KLHDC2: variants seen among roughly 807,000 people sequenced by gnomAD.
The protein encoded by KLHDC2 is kelch domain-containing protein 2.
KLHDC2 carries 38 observed loss-of-function variants against 62.3 expected under a neutral mutation model. The ratio of observed to expected loss-of-function variants is 0.61; its 90% CI spans 0.47 to 0.80. KLHDC2 has a LOEUF of 0.80. KLHDC2 is among the 30% of genes least tolerant of loss of function. The pLI is 0.00. For synonymous variants in KLHDC2, 159 were observed against 161.0 expected, an observed-to-expected ratio of 0.99 and a Z score of 0.09; for missense variants, 430 against 495.3, an observed-to-expected ratio of 0.87 and a Z score of 1.25.
chr14:49,785,055 GTTTAAAATCATAATTCAAAAAAACAAA>G lies in KLHDC2; in HGVS notation c.*2109_*2135del, dbSNP rs1890101230. ...TAATCTACTGTTAAGTCACTGAACT[GTTTAAAATCATAATTCAAAAAAACAAA>G]TTTAAATACCTTTTCCCTTTTTCTG... On this transcript the variant is annotated 3_prime_UTR_variant, in exon 13 of 13. Transcript: ENST00000298307. The G allele has an allele frequency of 6.2e-7, 1 of 1,606,662 alleles. No homozygotes were observed. The highest frequency in any genetic ancestry group is 8.5e-7 in the Non-Finnish European group (1 of 1,173,740).
In KLHDC2 at chr14:49,779,569, C is replaced by T. The variant is rs201941780; in HGVS notation, c.634-26C>T. 6 of 1,589,114 alleles carry T rather than the reference C, an allele frequency of 3.8e-6. No homozygotes were observed. In the African/African-American group the frequency reaches 6.7e-5, roughly 18 times the overall value. On this transcript the variant is annotated intron_variant, in intron 6 of 12. Coordinates refer to ENST00000298307, the MANE Select transcript of KLHDC2 (RefSeq NM_014315.3). The stretch of plus-strand genomic sequence containing the variant: ...ATTTTCCCTGTTTATAAAAAGTTCA[C>T]TAACTTGCTTATGTGCCTCTAATAG...
At chr14:49,782,787 C>G (rs779531644) in intron 12 of KLHDC2, 43 bp from the exon 13 acceptor site, 1 of 1,594,716 alleles carries the variant, frequency 6.3e-7, no homozygotes, top group South Asian at 1.1e-5. Flanking sequence ...TACTTCCAAA[C>G]AGTAAAGTGA....
chr14:49,779,680 G>A lies in KLHDC2; in HGVS notation c.714+5G>A, dbSNP rs780361855. The A allele has an allele frequency of 2.5e-6, 4 of 1,613,402 alleles. No homozygotes were observed. The highest frequency in any genetic ancestry group is 1.1e-5 in the South Asian group (1 of 91,084). On this transcript the variant is annotated splice_donor_5th_base_variant and intron_variant, in intron 7 of 12. Transcript: ENST00000298307. Reference sequence around the variant, plus strand: ...GTGTTTGGAGGCAGATATCGAGTAAGTATTCAAACGACTTCAATGACTTGC... The same window carrying A: ...GTGTTTGGAGGCAGATATCGAGTAAATATTCAAACGACTTCAATGACTTGC...
intron 1 of KLHDC2, chr14:49,769,193 C>A (rs8018791): frequency 0.97 from 147,432 of 152,410 alleles, 71,516 homozygotes; most frequent in East Asian, 1. Flanking sequence ...AGCAGACACC[C>A]CTATTAAGAT....
chr14:49,785,189 A>G lies in KLHDC2; in HGVS notation c.*2236A>G. 2 of 1,605,276 alleles carry G rather than the reference A, an allele frequency of 1.2e-6. No individual in the cohort carries two copies. Among genetic ancestry groups the G allele is most frequent in the East Asian group, 2.2e-5 (1 of 44,798 alleles). On this transcript the variant is annotated 3_prime_UTR_variant, in exon 13 of 13. Coordinates refer to ENST00000298307, the MANE Select transcript of KLHDC2 (RefSeq NM_014315.3). Reference sequence around the variant, plus strand: ...AATAGACGTTACAAAACAATTCACAAAAGCCATTCTGTCAACTAATGGTAA... The same window carrying G: ...AATAGACGTTACAAAACAATTCACAGAAGCCATTCTGTCAACTAATGGTAA...
At position 49,784,707 on chromosome 14, in the gene KLHDC2, CTG is replaced by C; in HGVS notation, c.*1758_*1759del. On this transcript the variant is annotated 3_prime_UTR_variant, in exon 13 of 13. Transcript: ENST00000298307. ...TTGCCAGGAATGTTTCTTGATAAATCTGTGTCCTAAAAAAAGAAAATTGCTGA... is the reference window on the plus strand; with the variant it reads ...TTGCCAGGAATGTTTCTTGATAAATCTGTCCTAAAAAAAGAAAATTGCTGA... The C allele has an allele frequency of 6.2e-7, 1 of 1,612,410 alleles. No individual in the cohort carries two copies. Among genetic ancestry groups the C allele is most frequent in the African/African-American group, 1.3e-5 (1 of 74,998 alleles).
At chr14:49,776,207 GC>G (rs1259328596) in intron 3 of KLHDC2, among the ~76,000 whole-genome samples, 4 of 152,130 alleles carry the variant, frequency 2.6e-5, no homozygotes, top group African/African-American at 4.8e-5. Context: ...CTATCATTGA[GC>G]CATATGTATT....
chr14:49,777,797 T>C, intron 3 of KLHDC2, 42 bp from the exon 4 acceptor site: 2 of 1,069,652 alleles, frequency 1.9e-6, no homozygotes, highest in Non-Finnish European at 1.4e-6. Flanking sequence ...CTTGAATTTC[T>C]TTCATAAAAC....
At chr14:49,782,706 C>A in intron 12 of KLHDC2, 112 bp downstream of exon 12, 3 of 1,378,752 alleles carry the variant, frequency 2.2e-6, no homozygotes, top group Non-Finnish European at 3.0e-6. Flanking sequence ...AACTTCATTG[C>A]TATAACCAGT....
chr14:49,770,370 T>TC (rs1314263997), intron 1 of KLHDC2, among the ~76,000 whole-genome samples: 1 of 152,186 alleles, frequency 6.6e-6, no homozygotes, highest in Non-Finnish European at 1.5e-5. Context: ...GACAGGCTGG[T>TC]CCCCTGTGGG....
intron 9 of KLHDC2, 52 bp from the exon 10 acceptor site, chr14:49,780,651 T>C (rs1889876622): frequency 8.6e-7 from 1 of 1,162,202 alleles, no homozygotes; most frequent in African/African-American, 1.5e-5. Flanking sequence ...GCCCTTTAAA[T>C]GTCAATGTCA....
chr14:49,784,549 A>G lies in KLHDC2; in HGVS notation c.*1596A>G. The G allele has an allele frequency of 2.3e-6, 2 of 885,400 alleles. No individual in the cohort carries two copies. Among genetic ancestry groups the G allele is most frequent in the Non-Finnish European group, 3.6e-6 (2 of 554,794 alleles). The allele number at this position is 885,400 out of a possible 1,614,324, so 54.8% of individuals were successfully genotyped here. ...TGTTTAGTTCATTTTTATAATGCGG[A>G]AATCCTGATACATGGTGCTTTCATC... is the stretch of plus-strand genomic sequence containing the variant. On this transcript the variant is annotated 3_prime_UTR_variant, in exon 13 of 13. Coordinates refer to ENST00000298307, the MANE Select transcript of KLHDC2 (RefSeq NM_014315.3).
chr14:49,782,263 G>T, intron 10 of KLHDC2, 107 bp from the exon 11 acceptor site: 1 of 672,570 alleles, frequency 1.5e-6, no homozygotes, highest in Non-Finnish European at 2.5e-6. Flanking sequence ...GTTTTGGTCT[G>T]AACTACCTTA....
At position 49,785,285 on chromosome 14, in the gene KLHDC2, A is replaced by T; in HGVS notation, c.*2332A>T. ...TGGCAAACAGTAGTACATCTTCAGGATGTGGCTGGCCTGTCAAAGAATCAA... is the reference window on the plus strand; with the variant it reads ...TGGCAAACAGTAGTACATCTTCAGGTTGTGGCTGGCCTGTCAAAGAATCAA... On this transcript the variant is annotated 3_prime_UTR_variant, in exon 13 of 13. Transcript: ENST00000298307. 1 of 1,614,052 alleles carries T rather than the reference A, an allele frequency of 6.2e-7. No individual in the cohort carries two copies. The highest frequency in any genetic ancestry group is 8.5e-7 in the Non-Finnish European group (1 of 1,179,926).
At chr14:49,778,926 C>T (rs1889829320) in intron 6 of KLHDC2, among the ~76,000 whole-genome samples, 1 of 152,010 alleles carries the variant, frequency 6.6e-6, no homozygotes, top group Non-Finnish European at 1.5e-5. Flanking sequence ...GGTTTCATCA[C>T]ATTGGCCAGG....
intron 3 of KLHDC2, 64 bp from the exon 4 acceptor site, chr14:49,777,775 T>G (rs1174063989): frequency 1.1e-6 from 1 of 877,432 alleles, no homozygotes; most frequent in Non-Finnish European, 1.8e-6. Flanking sequence ...CATAGTAAAA[T>G]TAAATGCTAA....
chr14:49,774,500 A>G (rs1889730915), intron 2 of KLHDC2, 61 bp from the exon 3 acceptor site: 6 of 1,053,728 alleles, frequency 5.7e-6, no homozygotes, highest in Non-Finnish European at 7.4e-6. Flanking sequence ...AAGAAGAAAA[A>G]TTAATAGACT....
At chr14:49,780,931 C>CAA (rs1889883482) in intron 10 of KLHDC2, among the ~76,000 whole-genome samples, 156 bp downstream of exon 10, 1 of 152,208 alleles carries the variant, frequency 6.6e-6, no homozygotes, top group African/African-American at 2.4e-5. Flanking sequence ...ATCCTAGTAT[C>CAA]GAATGATCTC....
At chr14:49,777,810 A>G in intron 3 of KLHDC2, 29 bp from the exon 4 acceptor site, 1 of 1,209,244 alleles carries the variant, frequency 8.3e-7, no homozygotes, top group Non-Finnish European at 1.2e-6. Context: ...CATAAAACCA[A>G]CTCTAACTGA....
Sources: gnomAD v4.1 joint callset for allele counts (sites outside exome capture counted in the v4.1 genomes callset) on GRCh38, gnomAD v4.1.1 for gene constraint, MANE v1.5 for transcripts, NCBI Gene and HGNC (gene_info 2026-07-23, HGNC 2026-07-21) for gene names.